NALCN: variants seen among roughly 807,000 people sequenced by gnomAD.
The protein encoded by NALCN is sodium leak channel, non-selective.
A neutral mutation model predicts 225.3 loss-of-function variants in NALCN; 111 were observed. The observed-to-expected ratio is 0.49, with a 90% CI of 0.42 to 0.58. The LOEUF (loss-of-function observed/expected upper bound fraction) is 0.58, where lower values mean the gene tolerates loss of function less well. Ranked by LOEUF, NALCN falls within the 20% of genes least tolerant of loss-of-function variation. The pLI is 0.00. For missense variants in NALCN, 1,378 were observed against 2,202.4 expected (o/e 0.63, Z 7.49); for synonymous variants, 764 against 769.0 (o/e 0.99, Z 0.11).
chr13:101,203,658 G>A (rs574079018), intron 13 of NALCN, among the ~76,000 whole-genome samples: 4 of 152,220 alleles, frequency 2.6e-5, no homozygotes, highest in African/African-American at 9.6e-5. Context: ...AAATTTGACA[G>A]TGTTTTCAAA....
chr13:101,121,490 T>C (rs1209664979), intron 18 of NALCN, among the ~76,000 whole-genome samples: 2 of 152,146 alleles, frequency 1.3e-5, no homozygotes, highest in African/African-American at 4.8e-5. Flanking sequence ...GCCGGAATGA[T>C]CCAGCTCAGG....
chr13:101,256,204 C>T (rs566590207), intron 11 of NALCN, among the ~76,000 whole-genome samples: 19 of 152,304 alleles, frequency 1.2e-4, no homozygotes, highest in African/African-American at 3.6e-4. Context: ...ATCCTGGACT[C>T]CACTCTCTGA....
intron 17 of NALCN, among the ~76,000 whole-genome samples, chr13:101,142,363 A>G (rs991495537): frequency 6.6e-6 from 1 of 151,960 alleles, no homozygotes; most frequent in Non-Finnish European, 1.5e-5. Flanking sequence ...GCTGGTCTCG[A>G]ACTTCTGACC....
chr13:101,299,426 T>TTTTGTTTG lies in NALCN; in HGVS notation c.800-7068_800-7061dup, dbSNP rs145178011. On this transcript the variant is annotated intron_variant, in intron 7 of 43. Coordinates refer to ENST00000251127, the MANE Select transcript of NALCN (RefSeq NM_052867.4). ...CAAGACAAACCACACACAGGGTTTT[T>TTTTGTTTG]TTTGTTTGTTTGTTTGTTTGTTTGT... 4.6e-5 allele frequency among the ~76,000 whole-genome samples: 7 copies of TTTTGTTTG among 151,624 alleles called. 1 individual carries two copies. The highest frequency in any genetic ancestry group is 2.0e-4 in the East Asian group (1 of 5,116).
At chr13:101,248,764 G>T (rs1011438498) in intron 11 of NALCN, among the ~76,000 whole-genome samples, 1 of 152,074 alleles carries the variant, frequency 6.6e-6, no homozygotes, top group Non-Finnish European at 1.5e-5. Context: ...TCTTCTTTTG[G>T]CTGGCTCTGA....
At chr13:101,344,550 G>A (rs2045655478) in intron 7 of NALCN, among the ~76,000 whole-genome samples, 1 of 152,016 alleles carries the variant, frequency 6.6e-6, no homozygotes, top group Non-Finnish European at 1.5e-5. Flanking sequence ...AATTCTCAAG[G>A]CATAAAATAC....
chr13:101,238,361 C>T (rs768322537), intron 11 of NALCN, among the ~76,000 whole-genome samples: 5 of 151,732 alleles, frequency 3.3e-5, no homozygotes, highest in Non-Finnish European at 7.4e-5. Flanking sequence ...GTTAAAATAT[C>T]ATTTATTCCT....
chr13:101,270,169 C>A (rs1162250932), intron 10 of NALCN, among the ~76,000 whole-genome samples: 1 of 152,198 alleles, frequency 6.6e-6, no homozygotes, highest in Non-Finnish European at 1.5e-5. Flanking sequence ...ATAATCTCAA[C>A]AGACTTTGAC....
intron 15 of NALCN, among the ~76,000 whole-genome samples, chr13:101,157,280 A>G (rs1234338793): frequency 6.6e-6 from 1 of 152,186 alleles, no homozygotes; most frequent in Non-Finnish European, 1.5e-5. Flanking sequence ...GCCTAGAAAC[A>G]CTGATATACT....
chr13:101,060,571 A>C (rs1286357590), intron 41 of NALCN, among the ~76,000 whole-genome samples: 1 of 150,730 alleles, frequency 6.6e-6, no homozygotes, highest in Non-Finnish European at 1.5e-5. Context: ...GATTACAGGC[A>C]TGAGACACTG....
intron 13 of NALCN, among the ~76,000 whole-genome samples, chr13:101,210,094 T>C (rs137865100): frequency 6.6e-6 from 1 of 152,344 alleles, no homozygotes; most frequent in East Asian, 1.9e-4. Context: ...CCACCTGCTC[T>C]GCTTTTCCTT....
At chr13:101,273,746 G>T (rs1030324891) in intron 10 of NALCN, among the ~76,000 whole-genome samples, 1 of 151,734 alleles carries the variant, frequency 6.6e-6, no homozygotes, top group Non-Finnish European at 1.5e-5. Flanking sequence ...TTAGCCGGGC[G>T]TGGTGGCAGG....
chr13:101,070,450 A>ACTAT (rs2032788707), intron 37 of NALCN, among the ~76,000 whole-genome samples: 3 of 152,222 alleles, frequency 2.0e-5, no homozygotes, highest in Admixed American at 2.0e-4. Flanking sequence ...CAGAGCAATC[A>ACTAT]CTATCTATGG....
At chr13:101,234,278 A>G (rs1285189991) in intron 12 of NALCN, among the ~76,000 whole-genome samples, 1 of 152,238 alleles carries the variant, frequency 6.6e-6, no homozygotes, top group African/African-American at 2.4e-5. Context: ...CTCCATCTTC[A>G]GTATCTGGAA....
chr13:101,206,922 A>G (rs1272200810), intron 13 of NALCN, among the ~76,000 whole-genome samples: 2 of 152,024 alleles, frequency 1.3e-5, no homozygotes, highest in Non-Finnish European at 2.9e-5. Context: ...TTACATCACT[A>G]ATTAGTCTAT....
intron 13 of NALCN, among the ~76,000 whole-genome samples, chr13:101,223,811 C>G (rs2041036992): frequency 6.6e-6 from 1 of 152,122 alleles, no homozygotes; most frequent in Non-Finnish European, 1.5e-5. Context: ...TGGTCCACCT[C>G]AGGGTCAAGC....
At chr13:101,241,411 C>T (rs1334198414) in intron 11 of NALCN, among the ~76,000 whole-genome samples, 1 of 152,058 alleles carries the variant, frequency 6.6e-6, no homozygotes, top group Non-Finnish European at 1.5e-5. Context: ...GGCTGTCTTA[C>T]ACAATTCAGT....
intron 10 of NALCN, among the ~76,000 whole-genome samples, chr13:101,260,002 A>G (rs1209042105): frequency 6.6e-6 from 1 of 151,636 alleles, no homozygotes; most frequent in African/African-American, 2.4e-5. Flanking sequence ...CCCATTAACC[A>G]TCCCTGCCTC....
intron 11 of NALCN, among the ~76,000 whole-genome samples, chr13:101,248,684 T>A (rs1566484009): frequency 6.6e-6 from 1 of 152,220 alleles, no homozygotes; most frequent in Non-Finnish European, 1.5e-5. Flanking sequence ...GGGTGATATG[T>A]CCTCACTCCA....
Sources: allele counts gnomAD v4.1 joint callset (sites outside exome capture counted in the v4.1 genomes callset), GRCh38; gene constraint gnomAD v4.1.1; transcripts MANE v1.5; gene names NCBI Gene and HGNC (gene_info 2026-07-23, HGNC 2026-07-21).